The following CPQ variants were observed in gnomAD, a reference collection of about 807,000 sequenced individuals.
CPQ encodes the protein Ser-Met dipeptidase.
A neutral mutation model predicts 45.7 loss-of-function variants in CPQ; 37 were observed. The observed-to-expected ratio is 0.81, with a 90% CI of 0.62 to 1.07. The LOEUF (loss-of-function observed/expected upper bound fraction) is 1.07, where lower values mean the gene tolerates loss of function less well. CPQ is among the 50% of genes least tolerant of loss of function. The pLI is 0.00. For missense variants in CPQ, 537 were observed against 572.9 expected (o/e 0.94, Z 0.64); for synonymous variants, 186 against 205.8 (o/e 0.90, Z 0.82).
At chr8:96,757,139 G>A (rs2130789007) in intron 1 of CPQ, among the ~76,000 whole-genome samples, 1 of 152,196 alleles carries the variant, frequency 6.6e-6, no homozygotes, top group East Asian at 1.9e-4. Flanking sequence ...CTTGAGATCA[G>A]GAGTTTGAGA....
intron 1 of CPQ, among the ~76,000 whole-genome samples, chr8:96,716,167 T>G (rs1809670666): frequency 6.6e-6 from 1 of 152,186 alleles, no homozygotes; most frequent in Non-Finnish European, 1.5e-5. Flanking sequence ...CTGGGCGCTG[T>G]GTCATTTTAA....
At chr8:96,824,392 C>T (rs1175331423) in intron 2 of CPQ, among the ~76,000 whole-genome samples, 1 of 152,050 alleles carries the variant, frequency 6.6e-6, no homozygotes, top group African/African-American at 2.4e-5. Context: ...AGTACACATA[C>T]AATAGCTATT....
intron 4 of CPQ, among the ~76,000 whole-genome samples, chr8:96,910,203 G>A (rs987112033): frequency 6.6e-6 from 1 of 152,126 alleles, no homozygotes; most frequent in Non-Finnish European, 1.5e-5. Context: ...ATTTATGATA[G>A]ATGAAGAGAT....
intron 5 of CPQ, among the ~76,000 whole-genome samples, chr8:96,988,677 C>A (rs918732544): frequency 2.0e-5 from 3 of 152,160 alleles, no homozygotes; most frequent in Non-Finnish European, 4.4e-5. Context: ...AAGGAGACTT[C>A]GGTCGTTCTG....
chr8:96,958,076 A>G (rs1813386573), intron 4 of CPQ, among the ~76,000 whole-genome samples: 1 of 151,836 alleles, frequency 6.6e-6, no homozygotes, highest in Non-Finnish European at 1.5e-5. Context: ...CCTGGCCTCA[A>G]TTGATCCTCC....
chr8:97,074,750 G>A (rs1810813699), intron 7 of CPQ, among the ~76,000 whole-genome samples: 1 of 152,082 alleles, frequency 6.6e-6, no homozygotes, highest in South Asian at 2.1e-4. Context: ...CAGCCTGGGT[G>A]ACAAGAGTGA....
intron 5 of CPQ, among the ~76,000 whole-genome samples, chr8:96,994,384 A>G (rs1809143628): frequency 6.6e-6 from 1 of 152,140 alleles, no homozygotes; most frequent in South Asian, 2.1e-4. Context: ...CTACAGCACC[A>G]AAGTGAGTGG....
chr8:96,909,058 C>T (rs1812621780), intron 4 of CPQ, among the ~76,000 whole-genome samples: 1 of 152,096 alleles, frequency 6.6e-6, no homozygotes, highest in Admixed American at 6.6e-5. Context: ...CAAGATATGA[C>T]CTGTTTTGTA....
chr8:96,793,673 C>T (rs1810883024), intron 2 of CPQ, among the ~76,000 whole-genome samples: 1 of 152,194 alleles, frequency 6.6e-6, no homozygotes, highest in African/African-American at 2.4e-5. Flanking sequence ...ACTCAAAAGT[C>T]CACAGTCCAA....
intron 1 of CPQ, among the ~76,000 whole-genome samples, chr8:96,765,520 A>C (rs1317647754): frequency 6.6e-6 from 1 of 152,080 alleles, no homozygotes; most frequent in Non-Finnish European, 1.5e-5. Flanking sequence ...AAAAACCTAT[A>C]GTCAGACATA....
At chr8:97,029,550 CT>C (rs1177556623) in intron 6 of CPQ, 56 bp downstream of exon 6, 19 of 1,447,784 alleles carry the variant, frequency 1.3e-5, no homozygotes, top group Admixed American at 7.7e-5. Context: ...ACAAAAATCC[CT>C]CTCATTGTCC....
chr8:96,802,125 T>C (rs1811013961), intron 2 of CPQ, among the ~76,000 whole-genome samples: 2 of 152,176 alleles, frequency 1.3e-5, no homozygotes, highest in Admixed American at 6.6e-5. Flanking sequence ...TCTCTTTCTT[T>C]ATTTTTGACT....
intron 1 of CPQ, among the ~76,000 whole-genome samples, chr8:96,693,854 A>G (rs1809336694): frequency 6.6e-6 from 1 of 152,192 alleles, no homozygotes; most frequent in Non-Finnish European, 1.5e-5. Flanking sequence ...TAAATTACCC[A>G]TATCTTAAGT....
chr8:96,909,504 G>T (rs146851995), intron 4 of CPQ, among the ~76,000 whole-genome samples: 9 of 152,260 alleles, frequency 5.9e-5, no homozygotes, highest in Non-Finnish European at 1.0e-4. Context: ...CCATGAGAAT[G>T]TCATGCTATA....
chr8:97,048,970 T>A (rs1259662766), intron 6 of CPQ, among the ~76,000 whole-genome samples: 2 of 152,170 alleles, frequency 1.3e-5, no homozygotes, highest in Admixed American at 1.3e-4. Flanking sequence ...GGAAAAAAAA[T>A]ATTCACTTGT....
chr8:96,981,220 C>T (rs568114229), intron 5 of CPQ, among the ~76,000 whole-genome samples: 6 of 152,130 alleles, frequency 3.9e-5, no homozygotes, highest in Admixed American at 2.6e-4. Context: ...TCAGAAGATC[C>T]TCATGCATAA....
chr8:96,862,300 G>T (rs941233035), intron 3 of CPQ, among the ~76,000 whole-genome samples: 2 of 151,264 alleles, frequency 1.3e-5, no homozygotes, highest in Non-Finnish European at 1.5e-5. Flanking sequence ...GTGTGTGTGT[G>T]TGTGTGTGTG....
At chr8:97,042,635 T>G (rs1284579494) in intron 6 of CPQ, among the ~76,000 whole-genome samples, 2 of 151,770 alleles carry the variant, frequency 1.3e-5, no homozygotes, top group African/African-American at 4.8e-5. Context: ...TGCTATAAAT[T>G]TCCCTCTACA....
intron 6 of CPQ, among the ~76,000 whole-genome samples, chr8:97,051,473 A>G (rs2130506874): frequency 6.6e-6 from 1 of 152,350 alleles, no homozygotes; most frequent in Middle Eastern, 3.4e-3. Context: ...GTCTAATGTG[A>G]TATGAAAAGA....
Sources: allele counts gnomAD v4.1 joint callset (sites outside exome capture counted in the v4.1 genomes callset), GRCh38; gene constraint gnomAD v4.1.1; transcripts MANE v1.5; gene names NCBI Gene and HGNC (gene_info 2026-07-23, HGNC 2026-07-21).